Variants in FAT3 observed in about 807,000 individuals in gnomAD.
The protein encoded by FAT3 is FAT atypical cadherin 3.
FAT3 carries 95 observed loss-of-function variants against 310.2 expected under a neutral mutation model. The observed-to-expected ratio is 0.31, with a 90% CI of 0.26 to 0.36. FAT3 has a LOEUF of 0.36. FAT3 is among the 10% of genes least tolerant of loss of function. The pLI is 1.00. For synonymous variants in FAT3, 2,314 were observed against 2,192.9 expected, an observed-to-expected ratio of 1.06 and a Z score of -1.54; for missense variants, 5,408 against 5,715.6, an observed-to-expected ratio of 0.95 and a Z score of 1.74.
At chr11:92,260,781 G>A (rs779453741) in intron 1 of FAT3, among the ~76,000 whole-genome samples, 12 of 151,974 alleles carry the variant, frequency 7.9e-5, no homozygotes, top group Non-Finnish European at 1.5e-4. Context: ...TATAGTAGCC[G>A]GCCTCTCTTT....
At chr11:92,765,206 A>G (rs1946273041) in intron 6 of FAT3, 117 bp downstream of exon 6, 2 of 902,522 alleles carry the variant, frequency 2.2e-6, no homozygotes, top group Non-Finnish European at 3.3e-6. Context: ...AGATTAAAAG[A>G]TGTATAGTGC....
chr11:92,404,568 A>G, intron 2 of FAT3, among the ~76,000 whole-genome samples: 1 of 151,692 alleles, frequency 6.6e-6, no homozygotes, highest in East Asian at 2.0e-4. Flanking sequence ...ACCATGGTAC[A>G]ATATGGCAGG....
At chr11:92,484,486 ATCGT>A (rs988421795) in intron 2 of FAT3, among the ~76,000 whole-genome samples, 1 of 152,184 alleles carries the variant, frequency 6.6e-6, no homozygotes, top group Non-Finnish European at 1.5e-5. Context: ...GCAACTCAAA[ATCGT>A]TCTGGGAAAG....
Position 92,605,229 on chromosome 11 carries a change from G to T in FAT3, c.3607+80281G>T, listed in dbSNP as rs1940214955. ...AAGAAGGACTTGACAAATCCTTATT[G>T]TCTCTTGTGCAAGTGTCAAACGCAA... On this transcript the variant is annotated intron_variant, in intron 3 of 27. Coordinates refer to ENST00000525166, the MANE Select transcript of FAT3 (RefSeq NM_001367949.2). 2.0e-5 allele frequency among the ~76,000 whole-genome samples: 3 copies of T among 152,150 alleles called. No homozygotes were observed. In the South Asian group the frequency reaches 6.2e-4, roughly 32 times the overall value.
chr11:92,496,166 T>C (rs940838712), intron 2 of FAT3, among the ~76,000 whole-genome samples: 1 of 151,994 alleles, frequency 6.6e-6, no homozygotes, highest in Non-Finnish European at 1.5e-5. Context: ...GAATGGACAA[T>C]TAATACAAGC....
At chr11:92,497,712 A>AG (rs1162303159) in intron 2 of FAT3, among the ~76,000 whole-genome samples, 2 of 152,070 alleles carry the variant, frequency 1.3e-5, no homozygotes, top group African/African-American at 4.8e-5. Flanking sequence ...TACTATATGA[A>AG]GGAATCCAGC....
intron 3 of FAT3, among the ~76,000 whole-genome samples, chr11:92,624,231 T>TA (rs1941221589): frequency 6.6e-6 from 1 of 152,160 alleles, no homozygotes; most frequent in Non-Finnish European, 1.5e-5. Context: ...CCTGTGGTTG[T>TA]GTAGTATTTT....
chr11:92,825,873 C>T (rs1453942264), intron 13 of FAT3, among the ~76,000 whole-genome samples: 3 of 152,026 alleles, frequency 2.0e-5, no homozygotes, highest in Non-Finnish European at 2.9e-5. Context: ...CTCACCTGGC[C>T]ACAAGACATT....
At chr11:92,425,049 G>A (rs1950600918) in intron 2 of FAT3, among the ~76,000 whole-genome samples, 1 of 151,932 alleles carries the variant, frequency 6.6e-6, no homozygotes, top group South Asian at 2.1e-4. Context: ...TTTATTGTCT[G>A]TACAATATTT....
At chr11:92,485,806 T>C (rs555860295) in intron 2 of FAT3, among the ~76,000 whole-genome samples, 1 of 152,152 alleles carries the variant, frequency 6.6e-6, no homozygotes, top group Non-Finnish European at 1.5e-5. Flanking sequence ...GCCTAAGAAT[T>C]GTAGTATGTT....
intron 1 of FAT3, among the ~76,000 whole-genome samples, chr11:92,251,137 A>G (rs1865120391): frequency 6.6e-6 from 1 of 152,166 alleles, no homozygotes; most frequent in Non-Finnish European, 1.5e-5. Context: ...AATAAGCATT[A>G]CTATTAATTA....
chr11:92,414,347 A>G (rs1002254982), intron 2 of FAT3, among the ~76,000 whole-genome samples: 6 of 152,196 alleles, frequency 3.9e-5, no homozygotes, highest in Admixed American at 6.5e-5. Context: ...TGATGCTTAA[A>G]AAGAGAACTA....
chr11:92,510,263 T>C (rs907322667), intron 2 of FAT3, among the ~76,000 whole-genome samples: 2 of 152,166 alleles, frequency 1.3e-5, no homozygotes, highest in Non-Finnish European at 2.9e-5. Context: ...CTTCATTTCA[T>C]ATATTCTCTG....
At chr11:92,390,656 G>A (rs1949728051) in intron 2 of FAT3, among the ~76,000 whole-genome samples, 1 of 152,132 alleles carries the variant, frequency 6.6e-6, no homozygotes, top group Admixed American at 6.6e-5. Flanking sequence ...GAACAGGATT[G>A]CCCTGCAAGG....
chr11:92,882,482 G>A (rs953712148), intron 23 of FAT3, among the ~76,000 whole-genome samples: 6 of 151,544 alleles, frequency 4.0e-5, no homozygotes, highest in Admixed American at 1.3e-4. Flanking sequence ...AACCCAGGTA[G>A]GAAAGGAAGA....
intron 2 of FAT3, among the ~76,000 whole-genome samples, chr11:92,517,082 A>G (rs1953511121): frequency 6.6e-6 from 1 of 152,216 alleles, no homozygotes; most frequent in Non-Finnish European, 1.5e-5. Flanking sequence ...ATTCAATGCT[A>G]TCCCCATCAA....
chr11:92,368,885 T>C (rs11823695), intron 2 of FAT3, among the ~76,000 whole-genome samples: 7 of 126,468 alleles, frequency 5.5e-5, no homozygotes, highest in African/African-American at 2.8e-4. Flanking sequence ...CATATACACA[T>C]ATATATACAC....
rs528484052 is a variant in FAT3, at chr11:92,235,878, GCATCACTTTGTCTT to G, written c.-18+10707_-18+10720del. 1.4e-4 allele frequency among the ~76,000 whole-genome samples: 22 copies of G among 152,276 alleles called. No homozygotes were observed. In the South Asian group the frequency reaches 4.6e-3, roughly 32 times the overall value. ...CCAGGTGTCCAGCCGCCTTTCAGTA[GCATCACTTTGTCTT>G]CAAGGAATGTATGATAAGGGTGTTA... On this transcript the variant is annotated intron_variant, in intron 1 of 27. Coordinates refer to ENST00000525166, the MANE Select transcript of FAT3 (RefSeq NM_001367949.2).
chr11:92,844,842 G>A, intron 19 of FAT3, 110 bp downstream of exon 19: 1 of 1,261,594 alleles, frequency 7.9e-7, no homozygotes, highest in Non-Finnish European at 1.1e-6. Flanking sequence ...AATATTAAAT[G>A]ATCAATTACT....
Sources: gnomAD v4.1 joint callset for allele counts (sites outside exome capture counted in the v4.1 genomes callset) on GRCh38, gnomAD v4.1.1 for gene constraint, MANE v1.5 for transcripts, NCBI Gene and HGNC (gene_info 2026-07-23, HGNC 2026-07-21) for gene names.